Variants in TMEM132D observed in about 807,000 individuals in gnomAD.
TMEM132D encodes the protein mature OL transmembrane protein.
A neutral mutation model predicts 62.3 loss-of-function variants in TMEM132D; 21 were observed. The observed-to-expected ratio is 0.34, with a 90% CI of 0.24 to 0.49. TMEM132D has a LOEUF of 0.49. Among genes scored for constraint, TMEM132D ranks in the 20% least tolerant of loss-of-function variants. The pLI is 0.99. For synonymous variants in TMEM132D, 621 were observed against 575.6 expected (o/e 1.08, Z -1.13); for missense variants, 1,346 against 1,402.8 (o/e 0.96, Z 0.65).
intron 4 of TMEM132D, among the ~76,000 whole-genome samples, chr12:129,325,299 A>C (rs1868869430): frequency 6.6e-6 from 1 of 152,192 alleles, no homozygotes; most frequent in Non-Finnish European, 1.5e-5. Context: ...CATGGAGAAA[A>C]GGTAAGTGAG....
intron 2 of TMEM132D, among the ~76,000 whole-genome samples, chr12:129,554,487 G>T (rs1041272875): frequency 2.0e-5 from 3 of 152,052 alleles, no homozygotes; most frequent in African/African-American, 4.8e-5. Flanking sequence ...ATTCCTGAGG[G>T]CATCACAGTT....
intron 3 of TMEM132D, among the ~76,000 whole-genome samples, chr12:129,466,603 T>G (rs1386602355): frequency 6.6e-6 from 1 of 152,164 alleles, no homozygotes; most frequent in East Asian, 1.9e-4. Context: ...TGTTCACTCA[T>G]TAGCTCATTC....
intron 2 of TMEM132D, among the ~76,000 whole-genome samples, chr12:129,547,356 G>T (rs147381705): frequency 6.6e-6 from 1 of 152,090 alleles, no homozygotes; most frequent in African/African-American, 2.4e-5. Context: ...CTCCTGCCTC[G>T]GCCTCCCAAG....
At chr12:129,888,825 A>T (rs1439908240) in intron 1 of TMEM132D, among the ~76,000 whole-genome samples, 1 of 152,090 alleles carries the variant, frequency 6.6e-6, no homozygotes, top group East Asian at 1.9e-4. Flanking sequence ...CTCTTCCCCT[A>T]CTTTCATACC....
At chr12:129,138,297 C>T (rs1876645046) in intron 5 of TMEM132D, among the ~76,000 whole-genome samples, 1 of 152,210 alleles carries the variant, frequency 6.6e-6, no homozygotes, top group Non-Finnish European at 1.5e-5. Context: ...CTATCCAAAA[C>T]CTTGAAGACC....
intron 5 of TMEM132D, among the ~76,000 whole-genome samples, chr12:129,112,731 G>A (rs1300216914): frequency 1.3e-5 from 2 of 152,210 alleles, no homozygotes; most frequent in African/African-American, 4.8e-5. Flanking sequence ...AGGAGACTAG[G>A]AGTGCTCAGA....
At chr12:129,825,783 A>G (rs1872647437) in intron 1 of TMEM132D, among the ~76,000 whole-genome samples, 1 of 152,106 alleles carries the variant, frequency 6.6e-6, no homozygotes, top group South Asian at 2.1e-4. Flanking sequence ...GAGGGGTATA[A>G]CCAGGTGCAG....
At chr12:129,536,025 A>G (rs1876377753) in intron 2 of TMEM132D, among the ~76,000 whole-genome samples, 1 of 152,312 alleles carries the variant, frequency 6.6e-6, no homozygotes, top group Non-Finnish European at 1.5e-5. Context: ...TCAATAACTG[A>G]CTGTAGAATT....
intron 1 of TMEM132D, among the ~76,000 whole-genome samples, chr12:129,782,184 T>A (rs1431702621): frequency 6.6e-6 from 1 of 152,172 alleles, no homozygotes; most frequent in African/African-American, 2.4e-5. Flanking sequence ...TGGTTCAGCA[T>A]CCCTAATCCG....
intron 4 of TMEM132D, among the ~76,000 whole-genome samples, chr12:129,335,543 T>C (rs1427406536): frequency 6.6e-6 from 1 of 152,178 alleles, no homozygotes. Context: ...AAATTAAGTA[T>C]GGTTGCATGA....
intron 3 of TMEM132D, chr12:129,522,816 G>A (rs982551595): frequency 2.0e-5 from 3 of 151,892 alleles, no homozygotes; most frequent in Non-Finnish European, 2.9e-5. Flanking sequence ...TGTAAATATA[G>A]ATATTGGTAT....
At chr12:129,829,289 G>A (rs947919779) in intron 1 of TMEM132D, among the ~76,000 whole-genome samples, 11 of 152,016 alleles carry the variant, frequency 7.2e-5, no homozygotes, top group Admixed American at 2.6e-4. Context: ...GAAATACGAC[G>A]GCCACAGGGA....
intron 1 of TMEM132D, among the ~76,000 whole-genome samples, chr12:129,708,034 T>C (rs1881546975): frequency 6.6e-6 from 1 of 152,010 alleles, no homozygotes; most frequent in African/African-American, 2.4e-5. Context: ...TTGGCCAACA[T>C]GGTGAAAGCC....
In TMEM132D at chr12:129,676,807, T is replaced by C. The variant is rs186486727; in HGVS notation, c.968+23003A>G. Among the ~76,000 whole-genome samples, 303 of 151,552 alleles carry C rather than the reference T, an allele frequency of 2.0e-3. 3 individuals are homozygous for C. The highest frequency in any genetic ancestry group is 7.0e-3 in the African/African-American group (287 of 40,866). On this transcript the variant is annotated intron_variant, in intron 2 of 8. Transcript: ENST00000422113. ...TATCATCTCTCTATGTAATCTATCA[T>C]CATCTATCTATGTTTATCATCTATC...
At chr12:129,426,629 G>A (rs73151064) in intron 3 of TMEM132D, among the ~76,000 whole-genome samples, 2,693 of 152,274 alleles carry the variant, frequency 0.018, 31 homozygotes, top group Non-Finnish European at 0.029. Flanking sequence ...TGGAGCAAGC[G>A]CTTATTGAGC....
chr12:129,714,672 C>T (rs1868507403), intron 1 of TMEM132D, among the ~76,000 whole-genome samples: 1 of 152,172 alleles, frequency 6.6e-6, no homozygotes, highest in Non-Finnish European at 1.5e-5. Context: ...ACTAAAACAT[C>T]ACACTGTACA....
chr12:129,609,842 C>T (rs1878723257), intron 2 of TMEM132D, among the ~76,000 whole-genome samples: 2 of 152,224 alleles, frequency 1.3e-5, no homozygotes, highest in Admixed American at 6.5e-5. Flanking sequence ...ATTAAAGACA[C>T]AGACCAGGGC....
chr12:129,177,920 C>T (rs1435363195), intron 5 of TMEM132D, among the ~76,000 whole-genome samples: 1 of 152,134 alleles, frequency 6.6e-6, no homozygotes, highest in Non-Finnish European at 1.5e-5. Flanking sequence ...GCTCTGCCTC[C>T]TCCCTCTGCA....
intron 2 of TMEM132D, among the ~76,000 whole-genome samples, chr12:129,541,794 C>A (rs113176135): frequency 6.6e-6 from 1 of 152,120 alleles, no homozygotes; most frequent in Non-Finnish European, 1.5e-5. Flanking sequence ...GTCCTTAACA[C>A]GGTGTCTGGT....
Sources: allele counts gnomAD v4.1 joint callset (sites outside exome capture counted in the v4.1 genomes callset), GRCh38; gene constraint gnomAD v4.1.1; transcripts MANE v1.5; gene names NCBI Gene and HGNC (gene_info 2026-07-23, HGNC 2026-07-21).